CHAF1A: variants seen among roughly 807,000 people sequenced by gnomAD.
The protein encoded by CHAF1A is chromatin assembly factor 1 subunit A.
A neutral mutation model predicts 93.2 loss-of-function variants in CHAF1A; 5 were observed. The observed-to-expected ratio is 0.05, with a 90% confidence interval of 0.03 to 0.11. The LOEUF (loss-of-function observed/expected upper bound fraction) is 0.11, where lower values mean the gene tolerates loss of function less well. Among genes scored for constraint, CHAF1A ranks in the 10% least tolerant of loss-of-function variants. The probability of loss-of-function intolerance (pLI) is 1.00; values close to 1 mark genes in which losing one functional copy is unlikely to be tolerated. For synonymous variants in CHAF1A, 504 were observed against 510.3 expected (o/e 0.99, Z 0.17); for missense variants, 1,102 against 1,259.9 (o/e 0.87, Z 1.90).
chr19:4,415,568 C>T (rs1344696237), intron 3 of CHAF1A, among the ~76,000 whole-genome samples: 2 of 152,216 alleles, frequency 1.3e-5, no homozygotes, highest in Non-Finnish European at 2.9e-5. Flanking sequence ...GAGAGGCACA[C>T]AGCCTTGGCA....
chr19:4,429,095 C>T (rs2145123292), intron 8 of CHAF1A: 2 of 598,030 alleles, frequency 3.3e-6, no homozygotes, highest in Non-Finnish European at 5.9e-6. Context: ...CCTGTCTTCC[C>T]AGCTCCTCGT....
At position 4,432,179 on chromosome 19, in the gene CHAF1A, C is replaced by A. The variant is rs752072419; in HGVS notation, c.2175C>A (p.Ala725=). Residue 725 remains alanine (A), a synonymous_variant, in exon 12 of 15, where the codon GCC becomes GCA. Transcript: ENST00000301280. ...CCCAGGAGGAGCAGACGCCCAAGGCCTCCAAGCGGGAGAGGAGAGACGAGC... is the reference window on the plus strand; with the variant it reads ...CCCAGGAGGAGCAGACGCCCAAGGCATCCAAGCGGGAGAGGAGAGACGAGC... The part of the protein sequence containing the change: ...LPAQEEQTPK[A]SKRERRDEQI... The A allele has an allele frequency of 2.5e-6, 4 of 1,610,734 alleles. No homozygotes were observed. In the African/African-American group the frequency reaches 5.3e-5, roughly 22 times the overall value.
intron 3 of CHAF1A, among the ~76,000 whole-genome samples, chr19:4,416,225 C>G (rs1001148881): frequency 6.6e-6 from 1 of 152,180 alleles, no homozygotes; most frequent in Non-Finnish European, 1.5e-5. Context: ...CAGACCATTG[C>G]CAGGAAAATG....
chr19:4,447,727 T>C (rs1192028689), downstream of CHAF1A: 2 of 1,244,738 alleles, frequency 1.6e-6, no homozygotes, highest in Admixed American at 1.7e-5. Flanking sequence ...ACACTTGGCC[T>C]CTAGTCAGAG....
chr19:4,421,626 AATAGCTGGGT>A (rs1480764705), intron 4 of CHAF1A, among the ~76,000 whole-genome samples: 4 of 152,080 alleles, frequency 2.6e-5, no homozygotes, highest in Admixed American at 2.6e-4. Context: ...AAATTACAAA[AATAGCTGGGT>A]ATAGTGGTGT....
intron 6 of CHAF1A, 149 bp downstream of exon 6, chr19:4,423,544 C>T: frequency 1.2e-5 from 17 of 1,393,112 alleles, no homozygotes; most frequent in Admixed American, 2.4e-5. Flanking sequence ...TGTCTAGATG[C>T]GTTCTTGTTG....
In CHAF1A at chr19:4,413,875, G is replaced by A. The variant is rs376359289; in HGVS notation, c.960+4116G>A. Among the ~76,000 whole-genome samples, 34 of 152,272 alleles carry A rather than the reference G, an allele frequency of 2.2e-4. No homozygotes were observed. In the South Asian group the frequency reaches 5.4e-3, roughly 24 times the overall value. On this transcript the variant is annotated intron_variant, in intron 3 of 14. Coordinates refer to ENST00000301280, the MANE Select transcript of CHAF1A (RefSeq NM_005483.3). ...TCCCAGGGTCCTTTGAATAGCTGAA[G>A]TGTTCCTTTTTAGTATTAGAGTTTT...
Position 4,433,087 on chromosome 19 carries a change from C to A in CHAF1A, c.2221C>A (p.Pro741Thr). 2 of 1,582,026 alleles carry A rather than the reference C, an allele frequency of 1.3e-6. No homozygotes were observed. The highest frequency in any genetic ancestry group is 8.6e-7 in the Non-Finnish European group (1 of 1,158,566). The change falls in exon 13 of 15, where the codon CCG (proline) becomes ACG (threonine). Residue 741 changes from proline to threonine, a missense_variant. By Grantham distance (38) the Pro-to-Thr change is conservative. Coordinates refer to ENST00000301280, the MANE Select transcript of CHAF1A (RefSeq NM_005483.3). The surrounding 1 kb of genome is among the most constrained non-coding windows in gnomAD (Gnocchi z 5.6). ...RDEQILAQLL[P>T]LLHGNVNGSK... ...CCTGCCAGTCCTGGCCCAGCTGCTG[C>A]CGCTCCTGCACGGCAATGTGAACGG... is the stretch of plus-strand genomic sequence containing the variant.
chr19:4,418,669 C>T (rs1167511702), intron 4 of CHAF1A, among the ~76,000 whole-genome samples: 1 of 152,122 alleles, frequency 6.6e-6, no homozygotes, highest in Non-Finnish European at 1.5e-5. Context: ...CCCGCCTCGG[C>T]CTCCCAGAGT....
rs769359807 is a variant in CHAF1A, at chr19:4,433,051, C to T, written c.2204-19C>T. 2.0e-6 allele frequency: 3 copies of T among 1,525,456 alleles called. No individual in the cohort carries two copies. The highest frequency in any genetic ancestry group is 2.7e-6 in the Non-Finnish European group (3 of 1,128,540). The allele number at this position is 1,525,456 out of a possible 1,614,324, so 94.5% of individuals were successfully genotyped here. A position where few individuals can be genotyped will look rare whatever the true frequency, so the allele number is the denominator to read the frequency against. On this transcript the variant is annotated intron_variant, in intron 12 of 14. Transcript: ENST00000301280. The surrounding 1 kb of genome is among the most constrained non-coding windows in gnomAD (Gnocchi z 5.6). ...GTGGCTCCCCAAGCCTCATGCCCAC[C>T]CATGTTCCCTCCTGCCAGTCCTGGC...
At chr19:4,446,317 C>A, downstream of CHAF1A, 1 of 1,574,162 alleles carries the variant, frequency 6.4e-7, no homozygotes, top group Non-Finnish European at 8.6e-7. Context: ...GGCGCACGCG[C>A]AGCAGCGTGT....
At chr19:4,448,696 C>A (rs1974593850), downstream of CHAF1A, 1 of 472,018 alleles carries the variant, frequency 2.1e-6, no homozygotes, top group South Asian at 2.3e-5. Context: ...TGTGACGCGA[C>A]AGAACTGTGC....
At chr19:4,428,620 C>T (rs1183533626) in intron 7 of CHAF1A, 44 bp from the exon 8 acceptor site, 1 of 1,542,526 alleles carries the variant, frequency 6.5e-7, no homozygotes, top group African/African-American at 1.4e-5. Context: ...TGCCTCCTTT[C>T]TCCCATTGCT....
intron 7 of CHAF1A, among the ~76,000 whole-genome samples, chr19:4,427,142 T>G (rs1457883244): frequency 3.2e-5 from 1 of 31,146 alleles, no homozygotes; most frequent in Admixed American, 2.1e-4. Context: ...CTGTCTTTTT[T>G]TTTTTTTTTT....
At chr19:4,446,164 ACCGCCCCCAG>A (rs890523071), downstream of CHAF1A, 3 of 1,608,226 alleles carry the variant, frequency 1.9e-6, no homozygotes, top group African/African-American at 1.3e-5. Context: ...GAACCCGTAC[ACCGCCCCCAG>A]CCGCTCCCGA....
chr19:4,446,537 G>A, downstream of CHAF1A: 3 of 1,612,058 alleles, frequency 1.9e-6, no homozygotes, highest in Non-Finnish European at 2.5e-6. Flanking sequence ...TCTGCTGTGA[G>A]GTTGAAGAAG....
downstream of CHAF1A, chr19:4,447,771 A>G: frequency 1.3e-6 from 1 of 767,458 alleles, no homozygotes; most frequent in Non-Finnish European, 2.2e-6. Context: ...AGGGCAGCAG[A>G]CCATCTCCGG....
In CHAF1A at chr19:4,436,662, G is replaced by T. The variant is rs537450896; in HGVS notation, c.2673+3123G>T. ...GATCAGCCCTCCCCTGGGAACCCCT[G>T]TGTCCCTCAGATGTTCCTTTGGGGT... On this transcript the variant is annotated intron_variant, in intron 13 of 14. Coordinates refer to ENST00000301280, the MANE Select transcript of CHAF1A (RefSeq NM_005483.3). Among the ~76,000 whole-genome samples, 3 of 152,272 alleles carry T rather than the reference G, an allele frequency of 2.0e-5. No homozygotes were observed. In the East Asian group the frequency reaches 5.8e-4, roughly 29 times the overall value.
At chr19:4,425,169 C>T (rs1974059119) in intron 7 of CHAF1A, among the ~76,000 whole-genome samples, 1 of 152,124 alleles carries the variant, frequency 6.6e-6, no homozygotes, top group South Asian at 2.1e-4. Context: ...CATATTGTGA[C>T]AGCCAGAGAT....
Sources: allele counts gnomAD v4.1 joint callset (sites outside exome capture counted in the v4.1 genomes callset), GRCh38; gene constraint gnomAD v4.1.1; non-coding constraint Gnocchi (gnomAD v3.1); transcripts MANE v1.5; gene names NCBI Gene and HGNC (gene_info 2026-07-23, HGNC 2026-07-21).